KCNQ5: variants seen among roughly 807,000 people sequenced by gnomAD.
KCNQ5 encodes potassium voltage-gated channel subfamily Q member 5, also known as potassium voltage-gated channel subfamily KQT member 5.
Under a neutral mutation model 98.2 loss-of-function variants are expected in KCNQ5, and 30 were observed. That is an observed-to-expected ratio of 0.31 (90% confidence interval 0.23 to 0.41). The LOEUF is 0.41. Among genes scored for constraint, KCNQ5 ranks in the 10% least tolerant of loss-of-function variants. The pLI, the probability that KCNQ5 is intolerant of heterozygous loss-of-function variation, is 1.00. For synonymous variants in KCNQ5, 458 were observed against 449.4 expected, an observed-to-expected ratio of 1.02 and a Z score of -0.24; for missense variants, 835 against 1,182.5, an observed-to-expected ratio of 0.71 and a Z score of 4.31.
chr6:73,091,565 C>A (rs191283881), intron 5 of KCNQ5, among the ~76,000 whole-genome samples: 516 of 152,236 alleles, frequency 3.4e-3, no homozygotes, highest in Non-Finnish European at 5.6e-3. Flanking sequence ...TGTCCAAGAT[C>A]AGTTGACTGT....
chr6:73,025,948 A>G (rs1582213647), intron 2 of KCNQ5, among the ~76,000 whole-genome samples: 2 of 152,164 alleles, frequency 1.3e-5, no homozygotes, highest in South Asian at 4.1e-4. Flanking sequence ...AGGATATGAT[A>G]TATTTATATT....
At chr6:72,698,581 A>T (rs183794549) in intron 1 of KCNQ5, among the ~76,000 whole-genome samples, 1 of 151,934 alleles carries the variant, frequency 6.6e-6, no homozygotes, top group Admixed American at 6.6e-5. Context: ...AAGGTTTTTA[A>T]ATAGGGAAAA....
rs73545821 is a variant in KCNQ5 at position 72,857,105 on chromosome 6, C to G, written c.399-146803C>G. Among the ~76,000 whole-genome samples, 748 of 152,132 alleles carry G rather than the reference C, an allele frequency of 4.9e-3. 4 individuals carry two copies. Among genetic ancestry groups the G allele is most frequent in the African/African-American group, 0.017 (717 of 41,486 alleles). The stretch of plus-strand genomic sequence containing the variant: ...AGCACTCATGCGGCCATGCAGGGGC[C>G]AACAATCTGTGCATGACTGCCTTTC... On this transcript the variant is annotated intron_variant, in intron 1 of 13. Transcript: ENST00000370398.
chr6:72,682,947 C>T (rs1435051522), intron 1 of KCNQ5, among the ~76,000 whole-genome samples: 1 of 152,142 alleles, frequency 6.6e-6, no homozygotes, highest in Non-Finnish European at 1.5e-5. Context: ...GATCGCTGCC[C>T]CACTTAGAAA....
At chr6:72,630,575 T>G (rs541189880) in intron 1 of KCNQ5, 1 of 152,320 alleles carries the variant, frequency 6.6e-6, no homozygotes, top group East Asian at 1.9e-4. Context: ...ATGATCAACT[T>G]TACTTTTCCT....
chr6:73,008,082 C>T (rs1266942155), intron 2 of KCNQ5, among the ~76,000 whole-genome samples: 2 of 149,334 alleles, frequency 1.3e-5, no homozygotes, highest in South Asian at 2.1e-4. Flanking sequence ...CCATGGCAAC[C>T]ACAAAGAAAA....
At chr6:72,655,042 TTCTTTCTTTC>T (rs1209564835) in intron 1 of KCNQ5, among the ~76,000 whole-genome samples, 2 of 142,502 alleles carry the variant, frequency 1.4e-5, no homozygotes, top group Non-Finnish European at 3.1e-5. Flanking sequence ...CTTTCTTTCT[TTCTTTCTTTC>T]TTTCTTTCTT....
At chr6:72,919,599 A>G (rs959539909) in intron 1 of KCNQ5, among the ~76,000 whole-genome samples, 1 of 152,154 alleles carries the variant, frequency 6.6e-6, no homozygotes, top group African/African-American at 2.4e-5. Context: ...ATTCAAACCT[A>G]CACATCTGGC....
At chr6:72,781,992 T>C (rs1773500180) in intron 1 of KCNQ5, among the ~76,000 whole-genome samples, 1 of 152,208 alleles carries the variant, frequency 6.6e-6, no homozygotes, top group Non-Finnish European at 1.5e-5. Context: ...ATGCAATGAA[T>C]AGGAGTTAAA....
chr6:72,980,260 C>G (rs1193237370), intron 1 of KCNQ5, among the ~76,000 whole-genome samples: 1 of 152,098 alleles, frequency 6.6e-6, no homozygotes, highest in Non-Finnish European at 1.5e-5. Flanking sequence ...CTATAAATTA[C>G]CTTGGGCGGT....
intron 1 of KCNQ5, 72 bp from the exon 2 acceptor site, chr6:73,003,836 T>A: frequency 9.6e-7 from 1 of 1,039,458 alleles, no homozygotes. Flanking sequence ...CTTTATTCAT[T>A]TGAAGCAAGA....
At chr6:73,061,107 T>C (rs1217471452) in intron 3 of KCNQ5, among the ~76,000 whole-genome samples, 1 of 152,106 alleles carries the variant, frequency 6.6e-6, no homozygotes, top group Non-Finnish European at 1.5e-5. Flanking sequence ...TACAGAAGAA[T>C]CCCAAGATAT....
At chr6:72,872,720 C>T (rs139354328) in intron 1 of KCNQ5, among the ~76,000 whole-genome samples, 35 of 152,012 alleles carry the variant, frequency 2.3e-4, no homozygotes, top group African/African-American at 8.0e-4. Flanking sequence ...ATTTTCATTT[C>T]GCGAATTGTA....
intron 1 of KCNQ5, among the ~76,000 whole-genome samples, chr6:72,746,332 G>C (rs12110561): frequency 0.15 from 23,533 of 151,992 alleles, 5,865 homozygotes; most frequent in African/African-American, 0.53. Context: ...CATTATTGTT[G>C]ACCTGCCCCA....
chr6:72,745,752 C>A (rs1344055797), intron 1 of KCNQ5, among the ~76,000 whole-genome samples: 2 of 152,140 alleles, frequency 1.3e-5, no homozygotes, highest in Non-Finnish European at 2.9e-5. Flanking sequence ...TACTCTCTCA[C>A]AGTACTTGAT....
At chr6:73,010,014 A>T (rs1452322644) in intron 2 of KCNQ5, among the ~76,000 whole-genome samples, 1 of 152,180 alleles carries the variant, frequency 6.6e-6, no homozygotes, top group Non-Finnish European at 1.5e-5. Context: ...ACACTTCCTA[A>T]CTAATTCTAT....
chr6:72,836,198 G>C (rs568253621), intron 1 of KCNQ5, among the ~76,000 whole-genome samples: 9 of 152,114 alleles, frequency 5.9e-5, no homozygotes, highest in Non-Finnish European at 1.0e-4. Context: ...TCTAATCAGA[G>C]AGTGAGAAGA....
Position 73,077,905 on chromosome 6 carries a change from T to C in KCNQ5, c.918+18T>C, listed in dbSNP as rs200898187. 11 of 1,566,830 alleles carry C rather than the reference T, an allele frequency of 7.0e-6. No homozygotes were observed. The highest frequency in any genetic ancestry group is 4.9e-5 in the South Asian group (4 of 82,412). On this transcript the variant is annotated intron_variant, in intron 5 of 13. Transcript: ENST00000370398. ...GGGGCACAGTAAGTATAAAAATACA[T>C]TTTTTATTTATTGGATGTTGTGAAT...
At chr6:72,825,340 C>T (rs780992715) in intron 1 of KCNQ5, among the ~76,000 whole-genome samples, 20 of 152,150 alleles carry the variant, frequency 1.3e-4, no homozygotes, top group Non-Finnish European at 4.4e-5. Context: ...CATTTATTTA[C>T]TTACTGTACT....
Sources: allele counts gnomAD v4.1 joint callset (sites outside exome capture counted in the v4.1 genomes callset), GRCh38; gene constraint gnomAD v4.1.1; transcripts MANE v1.5; gene names NCBI Gene and HGNC (gene_info 2026-07-23, HGNC 2026-07-21).